SLC4A10: variants seen among roughly 807,000 people sequenced by gnomAD.
The protein encoded by SLC4A10 is sodium-driven chloride bicarbonate exchanger.
Under a neutral mutation model 137.7 loss-of-function variants are expected in SLC4A10, and 42 were observed. The observed-to-expected ratio is 0.30, with a 90% CI of 0.24 to 0.39. The LOEUF is 0.39. Ranked by LOEUF, SLC4A10 falls within the 10% of genes least tolerant of loss-of-function variation. SLC4A10 has a pLI of 1.00. For synonymous variants in SLC4A10, 474 were observed against 464.1 expected, an observed-to-expected ratio of 1.02 and a Z score of -0.27; for missense variants, 925 against 1,355.0, an observed-to-expected ratio of 0.68 and a Z score of 4.98.
chr2:161,651,414 C>T (rs960571188), intron 1 of SLC4A10: 11 of 152,280 alleles, frequency 7.2e-5, no homozygotes, highest in Admixed American at 3.3e-4. Context: ...ACTTGAGACC[C>T]GCCAAATGGC....
intron 1 of SLC4A10, among the ~76,000 whole-genome samples, chr2:161,700,145 C>T (rs1046657345): frequency 6.6e-6 from 1 of 152,054 alleles, no homozygotes; most frequent in South Asian, 2.1e-4. Context: ...GAGTAACTGA[C>T]AATTAAAGGC....
At chr2:161,704,012 C>T (rs566082685) in intron 1 of SLC4A10, among the ~76,000 whole-genome samples, 3 of 151,762 alleles carry the variant, frequency 2.0e-5, no homozygotes, top group Admixed American at 2.0e-4. Context: ...CCAAGTTCAA[C>T]CATATTCCTT....
chr2:161,804,372 C>T, intron 2 of SLC4A10, 77 bp from the exon 3 acceptor site: 2 of 1,451,484 alleles, frequency 1.4e-6, no homozygotes, highest in South Asian at 2.7e-5. Context: ...AATTGAGTCT[C>T]CATTAACATG....
At chr2:161,693,866 C>G (rs1334688032) in intron 1 of SLC4A10, among the ~76,000 whole-genome samples, 1 of 151,756 alleles carries the variant, frequency 6.6e-6, no homozygotes, top group Non-Finnish European at 1.5e-5. Flanking sequence ...TCTATCCATT[C>G]GTACATCCAT....
chr2:161,705,298 C>T (rs574845857), intron 1 of SLC4A10, among the ~76,000 whole-genome samples: 2 of 151,504 alleles, frequency 1.3e-5, no homozygotes, highest in African/African-American at 4.8e-5. Flanking sequence ...TAATAACTGA[C>T]CTTGGGTATG....
At chr2:161,720,213 A>G (rs1162645163) in intron 1 of SLC4A10, among the ~76,000 whole-genome samples, 3 of 152,052 alleles carry the variant, frequency 2.0e-5, no homozygotes, top group East Asian at 3.9e-4. Context: ...GTAGATATGC[A>G]GTGTTATTTC....
At chr2:161,941,312 GGGAAATGGAGCCTCT>G (rs1363917927) in intron 15 of SLC4A10, among the ~76,000 whole-genome samples, 3 of 152,216 alleles carry the variant, frequency 2.0e-5, no homozygotes, top group African/African-American at 7.2e-5. Flanking sequence ...ACCTGCAAGT[GGGAAATGGAGCCTCT>G]GGTTAAAACT....
intron 1 of SLC4A10, among the ~76,000 whole-genome samples, chr2:161,758,764 C>A (rs2049940174): frequency 6.6e-6 from 1 of 151,858 alleles, no homozygotes; most frequent in Non-Finnish European, 1.5e-5. Flanking sequence ...CTATCCTCAT[C>A]CCCTTCTTAC....
At chr2:161,897,617 T>C (rs532054363) in intron 11 of SLC4A10, among the ~76,000 whole-genome samples, 5 of 152,272 alleles carry the variant, frequency 3.3e-5, no homozygotes, top group South Asian at 2.1e-4. Flanking sequence ...TTAAAGACTA[T>C]TTCCTTTTCT....
At chr2:161,846,525 T>C (rs2059506979) in intron 4 of SLC4A10, among the ~76,000 whole-genome samples, 1 of 152,162 alleles carries the variant, frequency 6.6e-6, no homozygotes, top group Admixed American at 6.6e-5. Context: ...TCTGCATGAG[T>C]GTTCACAGCA....
In SLC4A10 at chr2:161,839,880, G is replaced by A. The variant is rs867791186; in HGVS notation, c.369G>A (p.Glu123=). The change falls in exon 4 of 27, where the codon GAG becomes GAA. Residue 123 remains glutamate (E), a synonymous_variant. Coordinates refer to ENST00000446997, the MANE Select transcript of SLC4A10 (RefSeq NM_001178015.2). ...IPHDLFTELD[E]ICWREGEDAE... is the part of the protein sequence containing the mutation. The stretch of plus-strand genomic sequence containing the variant: ...ATGACCTTTTCACAGAACTGGATGA[G>A]ATTTGTTGGCGTGAAGGTGAGGACG... The A allele has an allele frequency of 2.5e-6, 4 of 1,613,832 alleles. No homozygotes were observed. Among genetic ancestry groups the A allele is most frequent in the Non-Finnish European group, 3.4e-6 (4 of 1,179,866 alleles).
rs1343549348 is a variant in SLC4A10 at position 161,767,206 on chromosome 2, A to G, written c.49-3767A>G. ...TGTGTGTGTGTGTGTGTGTGTGTAT[A>G]TATATATACACATATATATATATAT... On this transcript the variant is annotated intron_variant, in intron 1 of 26. Coordinates refer to ENST00000446997, the MANE Select transcript of SLC4A10 (RefSeq NM_001178015.2). Among the ~76,000 whole-genome samples the G allele has an allele frequency of 4.6e-4, 56 of 122,598 alleles. 1 individual carries two copies. Among genetic ancestry groups the G allele is most frequent in the Admixed American group, 1.6e-3 (19 of 11,594 alleles). 80.4% of individuals were successfully genotyped at this position (122,598 alleles called of 152,430 possible).
chr2:161,908,573 A>G (rs1685034253), intron 15 of SLC4A10, among the ~76,000 whole-genome samples: 1 of 151,316 alleles, frequency 6.6e-6, no homozygotes, highest in South Asian at 2.1e-4. Flanking sequence ...GTACCCTAAA[A>G]CTTAAAGTAT....
At chr2:161,736,629 G>A (rs996858066) in intron 1 of SLC4A10, among the ~76,000 whole-genome samples, 7 of 152,022 alleles carry the variant, frequency 4.6e-5, no homozygotes, top group Non-Finnish European at 8.8e-5. Flanking sequence ...ACTCATTCAC[G>A]ATCATGAGAA....
At chr2:161,878,102 G>T (rs190759727) in intron 8 of SLC4A10, among the ~76,000 whole-genome samples, 1 of 152,048 alleles carries the variant, frequency 6.6e-6, no homozygotes, top group East Asian at 1.9e-4. Context: ...ACCTGCAAAA[G>T]AACTATCTAG....
chr2:161,817,347 T>C (rs1053137138), intron 3 of SLC4A10, among the ~76,000 whole-genome samples: 5 of 152,186 alleles, frequency 3.3e-5, no homozygotes, highest in African/African-American at 1.2e-4. Context: ...TTCTTGTAAA[T>C]TTGTTTAAGT....
chr2:161,892,208 T>C (rs778909186), intron 10 of SLC4A10, among the ~76,000 whole-genome samples: 4 of 152,082 alleles, frequency 2.6e-5, no homozygotes, highest in Non-Finnish European at 5.9e-5. Context: ...TATAGAATAA[T>C]GTGATCTCGC....
intron 1 of SLC4A10, among the ~76,000 whole-genome samples, chr2:161,732,772 C>G (rs1021791009): frequency 3.3e-5 from 5 of 152,090 alleles, no homozygotes; most frequent in Non-Finnish European, 7.3e-5. Context: ...TGGTTTTGCC[C>G]AAAATGCTGA....
At chr2:161,641,670 T>C (rs902026169) in intron 1 of SLC4A10, among the ~76,000 whole-genome samples, 21 of 152,084 alleles carry the variant, frequency 1.4e-4, no homozygotes, top group African/African-American at 5.1e-4. Flanking sequence ...AAACAACAAC[T>C]TTCTGACATC....
Sources: gnomAD v4.1 joint callset for allele counts (sites outside exome capture counted in the v4.1 genomes callset) on GRCh38, gnomAD v4.1.1 for gene constraint, MANE v1.5 for transcripts, NCBI Gene and HGNC (gene_info 2026-07-23, HGNC 2026-07-21) for gene names.